WDR18: variants seen among roughly 807,000 people sequenced by gnomAD.
WDR18 encodes the protein WD repeat-containing protein 18.
Under a neutral mutation model 49.6 loss-of-function variants are expected in WDR18, and 33 were observed. The ratio of observed to expected loss-of-function variants is 0.67; its 90% CI spans 0.50 to 0.89. The LOEUF (loss-of-function observed/expected upper bound fraction) is 0.89, where lower values mean the gene tolerates loss of function less well. Among genes scored for constraint, WDR18 ranks in the 40% least tolerant of loss-of-function variants. The pLI is 0.00. For synonymous variants in WDR18, 315 were observed against 263.6 expected (o/e 1.19, Z -1.89); for missense variants, 653 against 593.6 (o/e 1.10, Z -1.04).
intron 2 of WDR18, among the ~76,000 whole-genome samples, chr19:989,441 C>T (rs540888528): frequency 3.7e-4 from 57 of 152,288 alleles, no homozygotes; most frequent in Non-Finnish European, 6.9e-4. Flanking sequence ...CCACACAGGA[C>T]GCCTGGGGTC....
intron 2 of WDR18, among the ~76,000 whole-genome samples, chr19:986,866 A>G (rs2145503738): frequency 6.6e-6 from 1 of 152,300 alleles, no homozygotes; most frequent in Non-Finnish European, 1.5e-5. Context: ...ATGGTCCATT[A>G]TATTTCGGGG....
upstream of WDR18, among the ~76,000 whole-genome samples, chr19:983,723 G>A (rs889955818): frequency 6.6e-6 from 1 of 152,152 alleles, no homozygotes; most frequent in South Asian, 2.1e-4. Flanking sequence ...GAGGGGTCAA[G>A]GGGGAGGCAG....
At chr19:993,025 A>G (rs893652261) in intron 8 of WDR18, among the ~76,000 whole-genome samples, 1 of 152,004 alleles carries the variant, frequency 6.6e-6, no homozygotes. Flanking sequence ...ATGGAGTGAC[A>G]CTCTGTTTTC....
chr19:989,293 G>C (rs1435681900), intron 2 of WDR18, among the ~76,000 whole-genome samples: 1 of 151,182 alleles, frequency 6.6e-6, no homozygotes, highest in East Asian at 1.9e-4. Flanking sequence ...CTCTTCCTCA[G>C]ATGGAGCTGC....
At chr19:993,527 C>T (rs1466289550) in intron 8 of WDR18, among the ~76,000 whole-genome samples, 1 of 152,272 alleles carries the variant, frequency 6.6e-6, no homozygotes, top group Non-Finnish European at 1.5e-5. Context: ...GCCCAAGGCG[C>T]TTCGTCCAGG....
chr19:992,728 T>TGGCTG lies in WDR18; in HGVS notation c.1098+620_1098+624dup, dbSNP rs565449901. On this transcript the variant is annotated intron_variant, in intron 8 of 9. Transcript: ENST00000585809. ...AGACCCTCATAGAAGCCAGTGTGGT[T>TGGCTG]GGCTGGGCTGGGCTGGGGTGGGGGC... is the stretch of plus-strand genomic sequence containing the variant. Among the ~76,000 whole-genome samples, 130 of 152,234 alleles carry TGGCTG rather than the reference T, an allele frequency of 8.5e-4. 3 individuals are homozygous for TGGCTG. The East Asian group carries it at 0.016, about 18-fold the overall frequency.
chr19:991,977 C>A lies in WDR18; in HGVS notation c.954C>A (p.Ile318=). 2 of 1,594,040 alleles carry A rather than the reference C, an allele frequency of 1.3e-6. No homozygotes were observed. Among genetic ancestry groups the A allele is most frequent in the South Asian group, 2.2e-5 (2 of 89,726 alleles). The part of the protein sequence containing the change: ...ALKGPVTNAA[I]LLAPVSMLSS... ...CAGGCCCAGTCACCAATGCCGCCAT[C>A]CTGCTGGCGCCCGTCAGCATGCTGA... The change falls in exon 8 of 10, where the codon ATC becomes ATA. Residue 318 remains isoleucine (I), a synonymous_variant. Transcript: ENST00000585809.
At position 992,207 on chromosome 19, in the gene WDR18, G is replaced by A. The variant is rs1050660023; in HGVS notation, c.1098+86G>A. 19 of 1,370,536 alleles carry A rather than the reference G, an allele frequency of 1.4e-5. No individual in the cohort carries two copies. The African/African-American group carries it at 2.6e-4, about 19-fold the overall frequency. The allele number at this position is 1,370,536 out of a possible 1,614,324, so 84.9% of individuals were successfully genotyped here. On this transcript the variant is annotated intron_variant, in intron 8 of 9. Transcript: ENST00000585809. Reference sequence around the variant, plus strand: ...GGGCTCCTTCGCTCCCTTGGTCCTGGCGCCCGTGCGGCGGTTCCCCACAAG... The same window carrying A: ...GGGCTCCTTCGCTCCCTTGGTCCTGACGCCCGTGCGGCGGTTCCCCACAAG...
intron 8 of WDR18, 146 bp from the exon 9 acceptor site, chr19:993,874 C>T: frequency 2.3e-6 from 2 of 876,046 alleles, no homozygotes; most frequent in South Asian, 1.5e-5. Flanking sequence ...GTGAACGCCC[C>T]CGTCTCAGTC....
At chr19:991,648 ACTGGCTGTGGGGCGGGGC>A (rs1599448098) in intron 7 of WDR18, among the ~76,000 whole-genome samples, 2 of 22,024 alleles carry the variant, frequency 9.1e-5, no homozygotes, top group East Asian at 1.6e-3. Flanking sequence ...GGGGGCGTGG[ACTGGCTGTGGGGCGGGGC>A]CTGGCTGGGG....
chr19:984,874 A>T (rs532913995), intron 1 of WDR18, among the ~76,000 whole-genome samples: 4 of 152,198 alleles, frequency 2.6e-5, no homozygotes, highest in African/African-American at 9.6e-5. Flanking sequence ...GCGAAATTTG[A>T]TTAAAAGGGG....
intron 8 of WDR18, among the ~76,000 whole-genome samples, chr19:993,497 CACAG>C (rs2145516822): frequency 6.6e-6 from 1 of 152,386 alleles, no homozygotes; most frequent in East Asian, 1.9e-4. Context: ...TGGCCTGTCC[CACAG>C]ACAGGCGCTG....
intron 7 of WDR18, among the ~76,000 whole-genome samples, chr19:991,558 C>T (rs1288634235): frequency 2.3e-5 from 1 of 43,652 alleles, no homozygotes; most frequent in Non-Finnish European, 4.2e-5. Context: ...CGGGGCCTGG[C>T]TGGGACGGGG....
chr19:990,130 A>T, intron 3 of WDR18, 93 bp from the exon 4 acceptor site: 1 of 1,440,984 alleles, frequency 6.9e-7, no homozygotes, highest in Non-Finnish European at 9.2e-7. Flanking sequence ...TGCTGAGTGG[A>T]GGCAGGTGTG....
Position 984,389 on chromosome 19 carries a change from C to G in WDR18, c.36C>G (p.Asp12Glu). Residue 12 changes from aspartate (D) to glutamate (E), a missense_variant, in exon 1 of 10, where the codon GAC (aspartate) becomes GAG (glutamate). By Grantham distance (45) the Asp-to-Glu change is conservative (BLOSUM62 2). Coordinates refer to ENST00000585809, the MANE Select transcript of WDR18 (RefSeq NM_024100.4). ...CCATGGAGGTGGCCGTGTGTACGGACTCGGCGGCCCCGATGTGGAGCTGCA... is the reference window on the plus strand; with the variant it reads ...CCATGGAGGTGGCCGTGTGTACGGAGTCGGCGGCCCCGATGTGGAGCTGCA... Reference protein sequence around the residue: ...AAPMEVAVCTDSAAPMWSCIV... With the variant: ...AAPMEVAVCTESAAPMWSCIV... The G allele has an allele frequency of 6.2e-7, 1 of 1,601,092 alleles. No individual in the cohort carries two copies. Among genetic ancestry groups the G allele is most frequent in the South Asian group, 1.1e-5 (1 of 89,212 alleles).
chr19:994,090 TGGGCGGGGCCTC>T lies in WDR18; in HGVS notation c.1167+6_1167+17del. On this transcript the variant is annotated splice_donor_5th_base_variant and intron_variant, in intron 9 of 9. Coordinates refer to ENST00000585809, the MANE Select transcript of WDR18 (RefSeq NM_024100.4). ...GTCCTGTGCAGCACCATGGAGAAGG[TGGGCGGGGCCTC>T]GGGAGGGGCGGGGCCTGAGGCTGGG... 6.4e-7 allele frequency: 1 copy of T among 1,553,390 alleles called. No homozygotes were observed. Among genetic ancestry groups the T allele is most frequent in the Non-Finnish European group, 8.7e-7 (1 of 1,150,466 alleles).
At chr19:988,478 G>T (rs1045756372) in intron 2 of WDR18, among the ~76,000 whole-genome samples, 1 of 152,170 alleles carries the variant, frequency 6.6e-6, no homozygotes, top group Admixed American at 6.5e-5. Context: ...GCTTCCTCTG[G>T]TGCCATTTAA....
chr19:992,107 G>T lies in WDR18; in HGVS notation c.1084G>T (p.Gly362Cys). ...PRHGGLTLRL[G>C]LHQQGSEPSY... ...CCACGGGGGCCTCACTCTGCGCCTG[G>T]GCCTCCACCAGCAGGTACGGCCCCC... The change falls in exon 8 of 10, where the codon GGC becomes TGC. Residue 362 changes from glycine to cysteine, a missense_variant. Transcript: ENST00000585809. 4.0e-6 allele frequency: 6 copies of T among 1,496,040 alleles called. No individual in the cohort carries two copies. Among genetic ancestry groups the T allele is most frequent in the Non-Finnish European group, 5.3e-6 (6 of 1,127,616 alleles). 92.7% of individuals were successfully genotyped at this position (1,496,040 alleles called of 1,614,324 possible).
intron 8 of WDR18, among the ~76,000 whole-genome samples, chr19:993,172 G>A (rs1053742574): frequency 6.6e-6 from 1 of 152,242 alleles, no homozygotes; most frequent in African/African-American, 2.4e-5. Flanking sequence ...AAGGAGGGGC[G>A]AGCTTTTTGT....
Sources: allele counts gnomAD v4.1 joint callset (sites outside exome capture counted in the v4.1 genomes callset), GRCh38; gene constraint gnomAD v4.1.1; transcripts MANE v1.5; gene names NCBI Gene and HGNC (gene_info 2026-07-23, HGNC 2026-07-21).